ROBO1: variants seen among roughly 807,000 people sequenced by gnomAD.
The protein encoded by ROBO1 is roundabout homolog 1.
In ROBO1, 149 loss-of-function variants were observed where a neutral mutation model predicts 195.9. The ratio of observed to expected loss-of-function variants is 0.76; its 90% CI spans 0.67 to 0.87. ROBO1 has a LOEUF of 0.87. ROBO1 is among the 40% of genes least tolerant of loss of function. ROBO1 has a pLI of 0.00. For missense variants in ROBO1, 1,933 were observed against 2,068.3 expected (o/e 0.93, Z 1.27); for synonymous variants, 816 against 733.2 (o/e 1.11, Z -1.82).
intron 1 of ROBO1, among the ~76,000 whole-genome samples, chr3:79,723,132 C>T (rs1702774499): frequency 6.6e-6 from 1 of 152,154 alleles, no homozygotes. Context: ...ATACCAATTG[C>T]CCTCCTCCCT....
chr3:79,604,767 A>G (rs1462366930), intron 1 of ROBO1, among the ~76,000 whole-genome samples: 2 of 151,946 alleles, frequency 1.3e-5, no homozygotes, highest in African/African-American at 4.8e-5. Flanking sequence ...TGAAAATTCC[A>G]TTTCAATACA....
chr3:79,297,879 C>A (rs1444961720), intron 2 of ROBO1, among the ~76,000 whole-genome samples: 1 of 151,946 alleles, frequency 6.6e-6, no homozygotes, highest in East Asian at 1.9e-4. Flanking sequence ...AAATTCAAAT[C>A]TATGTAATAT....
intron 3 of ROBO1, among the ~76,000 whole-genome samples, chr3:79,099,148 T>C (rs2079627620): frequency 6.6e-6 from 1 of 151,806 alleles, no homozygotes; most frequent in Non-Finnish European, 1.5e-5. Flanking sequence ...GACATTTTTA[T>C]TAAAAATGGA....
At chr3:79,437,901 T>TA (rs960322673) in intron 2 of ROBO1, among the ~76,000 whole-genome samples, 53 of 146,324 alleles carry the variant, frequency 3.6e-4, no homozygotes, top group South Asian at 4.3e-4. Flanking sequence ...TACACTTCAA[T>TA]AAAAAAAAAA....
chr3:79,501,410 G>A (rs982654735), intron 2 of ROBO1, among the ~76,000 whole-genome samples: 10 of 152,142 alleles, frequency 6.6e-5, no homozygotes, highest in Admixed American at 5.2e-4. Flanking sequence ...TCTTGGCATT[G>A]ATGTCTTCTG....
Position 79,296,860 on chromosome 3 carries a change from C to A in ROBO1, c.89-171321G>T, listed in dbSNP as rs541616094. On this transcript the variant is annotated intron_variant, in intron 2 of 30. Transcript: ENST00000464233. ...TTATTCCCCATCTTTTGTAGATACTCCAAAAGGTGTTCAAACTGTAAAATG... is the reference window on the plus strand; with the variant it reads ...TTATTCCCCATCTTTTGTAGATACTACAAAAGGTGTTCAAACTGTAAAATG... 1.9e-4 allele frequency among the ~76,000 whole-genome samples: 29 copies of A among 152,186 alleles called. 1 individual carries two copies. In the South Asian group the frequency reaches 6.0e-3, roughly 32 times the overall value.
intron 2 of ROBO1, among the ~76,000 whole-genome samples, chr3:79,547,483 T>C (rs1219518035): frequency 2.0e-5 from 3 of 152,134 alleles, no homozygotes; most frequent in East Asian, 3.9e-4. Context: ...TTTTAACTTC[T>C]AGATGTTGAA....
chr3:79,379,758 T>C (rs2036507703), intron 2 of ROBO1, among the ~76,000 whole-genome samples: 1 of 152,192 alleles, frequency 6.6e-6, no homozygotes, highest in African/African-American at 2.4e-5. Context: ...ATTATGCCAG[T>C]GGCTTTTAAA....
chr3:79,260,460 A>G (rs1235807729), intron 2 of ROBO1, among the ~76,000 whole-genome samples: 1 of 152,138 alleles, frequency 6.6e-6, no homozygotes, highest in Non-Finnish European at 1.5e-5. Context: ...AAAATTTTCT[A>G]ATACCTTTTA....
At chr3:78,689,791 C>A (rs374158557) in intron 8 of ROBO1, among the ~76,000 whole-genome samples, 3 of 151,772 alleles carry the variant, frequency 2.0e-5, no homozygotes, top group African/African-American at 7.3e-5. Flanking sequence ...TTTAAAAGTA[C>A]GTTGAGTTAC....
At chr3:78,740,162 C>T (rs533312199) in intron 5 of ROBO1, among the ~76,000 whole-genome samples, 64 of 152,170 alleles carry the variant, frequency 4.2e-4, no homozygotes, top group Admixed American at 2.2e-3. Context: ...TTATCATCAT[C>T]ATCATCATCT....
intron 1 of ROBO1, among the ~76,000 whole-genome samples, chr3:79,746,537 A>G (rs1357868904): frequency 6.6e-6 from 1 of 152,096 alleles, no homozygotes; most frequent in Non-Finnish European, 1.5e-5. Flanking sequence ...TGACCAATTT[A>G]TAACAACAGT....
chr3:79,477,946 T>G lies in ROBO1; in HGVS notation c.88+111878A>C, dbSNP rs756398410. On this transcript the variant is annotated intron_variant, in intron 2 of 30. Transcript: ENST00000464233. ...AATTAAACAATCAATCTATATTAAA[T>G]TATTAATCTATATGTGACTGTACCT... Among the ~76,000 whole-genome samples, 29 of 152,190 alleles carry G rather than the reference T, an allele frequency of 1.9e-4. 1 individual carries two copies. The highest frequency in any genetic ancestry group is 3.2e-3 in the Middle Eastern group (1 of 316).
chr3:79,200,915 T>C (rs909512560), intron 2 of ROBO1, among the ~76,000 whole-genome samples: 3 of 152,004 alleles, frequency 2.0e-5, no homozygotes, highest in African/African-American at 7.2e-5. Context: ...TTTGTTTTTG[T>C]TAAATTATGT....
At position 78,907,969 on chromosome 3, in the gene ROBO1, C is replaced by T. The variant is rs545540575; in HGVS notation, c.499+30632G>A. ...TTCCTAATGGAAAGAAGCTGTATGC[C>T]GCCCAAAGTATCATTCATGGAAATA... On this transcript the variant is annotated intron_variant, in intron 4 of 30. Transcript: ENST00000464233. 1.5e-4 allele frequency among the ~76,000 whole-genome samples: 23 copies of T among 151,682 alleles called. No homozygotes were observed. The South Asian group carries it at 3.1e-3, about 21-fold the overall frequency.
At chr3:78,918,019 C>T (rs1197290628) in intron 4 of ROBO1, among the ~76,000 whole-genome samples, 3 of 152,128 alleles carry the variant, frequency 2.0e-5, no homozygotes, top group Non-Finnish European at 4.4e-5. Flanking sequence ...CCCAGAAATG[C>T]ACATGGAAAT....
rs558442128 is a variant in ROBO1 at position 79,196,043 on chromosome 3, T to C, written c.89-70504A>G. On this transcript the variant is annotated intron_variant, in intron 2 of 30. Coordinates refer to ENST00000464233, the MANE Select transcript of ROBO1 (RefSeq NM_002941.4). ...TTCATGCCAGGCATTGAATAAAGTA[T>C]AGTGGACAAAAAGATGAAAAGTCAT... 1.6e-4 allele frequency among the ~76,000 whole-genome samples: 24 copies of C among 151,652 alleles called. No homozygotes were observed. In the South Asian group the frequency reaches 4.8e-3, roughly 30 times the overall value.
intron 4 of ROBO1, among the ~76,000 whole-genome samples, chr3:78,810,213 ACAG>A (rs991550292): frequency 2.6e-5 from 4 of 152,178 alleles, no homozygotes; most frequent in Non-Finnish European, 1.5e-5. Context: ...CTCTAATAAA[ACAG>A]CAGCAGATGT....
At chr3:78,696,126 A>G (rs1346997439) in intron 8 of ROBO1, among the ~76,000 whole-genome samples, 8 of 33,006 alleles carry the variant, frequency 2.4e-4, no homozygotes, top group African/African-American at 1.4e-3. Context: ...AAAGAATCAG[A>G]AAAAAAAAAA....
Sources: allele counts gnomAD v4.1 joint callset (sites outside exome capture counted in the v4.1 genomes callset), GRCh38; gene constraint gnomAD v4.1.1; transcripts MANE v1.5; gene names NCBI Gene and HGNC (gene_info 2026-07-23, HGNC 2026-07-21).